Variants in CERS3 observed in about 807,000 individuals in gnomAD.
CERS3 encodes the protein LAG1 homolog, ceramide synthase 3.
CERS3 carries 33 observed loss-of-function variants against 50.3 expected under a neutral mutation model. That is an observed-to-expected ratio of 0.66 (90% CI 0.50 to 0.88). CERS3 has a LOEUF of 0.88. Ranked by LOEUF, CERS3 falls within the 40% of genes least tolerant of loss-of-function variation. CERS3 has a pLI of 0.00. For synonymous variants in CERS3, 176 were observed against 155.2 expected (o/e 1.13, Z -0.99); for missense variants, 470 against 460.3 (o/e 1.02, Z -0.19).
intron 11 of CERS3, chr15:100,408,826 G>GGTAA (rs2031256051): frequency 2.0e-5 from 3 of 152,284 alleles, no homozygotes; most frequent in Admixed American, 2.0e-4. Flanking sequence ...CATGTGGCAG[G>GGTAA]CTCGGGACTA....
At position 100,506,966 on chromosome 15, in the gene CERS3, A is replaced by G. The variant is rs576446571; in HGVS notation, c.-1-5116T>C. 1.8e-3 allele frequency among the ~76,000 whole-genome samples: 268 copies of G among 152,302 alleles called. 1 individual carries two copies. The highest frequency in any genetic ancestry group is 6.2e-3 in the African/African-American group (257 of 41,552). ...AAATTATACCTCCAAAAAAATAAAA[A>G]AGTTAAGAAGCCTCCTTCTCAGCTT... On this transcript the variant is annotated intron_variant, in intron 2 of 11. Coordinates refer to ENST00000679737, the MANE Select transcript of CERS3 (RefSeq NM_001378789.1).
chr15:100,437,795 A>G (rs34913571), intron 11 of CERS3: 8,036 of 152,304 alleles, frequency 0.053, 294 homozygotes, highest in Middle Eastern at 0.088. Context: ...AACCGAGGCA[A>G]TGAACAAAGT....
intron 2 of CERS3, among the ~76,000 whole-genome samples, chr15:100,514,911 C>A (rs2036449540): frequency 6.6e-6 from 1 of 152,150 alleles, no homozygotes; most frequent in African/African-American, 2.4e-5. Context: ...TCACTCTTTT[C>A]TTATTTGATT....
intron 7 of CERS3, among the ~76,000 whole-genome samples, chr15:100,476,862 T>C (rs1400346088): frequency 6.6e-6 from 1 of 152,194 alleles, no homozygotes; most frequent in Non-Finnish European, 1.5e-5. Context: ...ATGGACTTGA[T>C]CCTGGTCTTT....
intron 5 of CERS3, among the ~76,000 whole-genome samples, chr15:100,482,802 C>G (rs534209340): frequency 6.6e-6 from 1 of 152,054 alleles, no homozygotes; most frequent in African/African-American, 2.4e-5. Flanking sequence ...AAGAAATAAG[C>G]GCCCGGAGAT....
rs1555528082 is a variant in CERS3 at position 100,466,840 on chromosome 15, C to CCTCTCTCTCT, written c.845+2537_845+2538insAGAGAGAGAG. On this transcript the variant is annotated intron_variant, in intron 10 of 11. Coordinates refer to ENST00000679737, the MANE Select transcript of CERS3 (RefSeq NM_001378789.1). ...CCCTCTCTCCCTCTCTCCCTCTCTC[C>CCTCTCTCTCT]CTCTCTCTTTCTCTCTTTCTTTCTT... 1.4e-4 allele frequency among the ~76,000 whole-genome samples: 4 copies of CCTCTCTCTCT among 28,312 alleles called. 2 individuals carry two copies. Among genetic ancestry groups the CCTCTCTCTCT allele is most frequent in the East Asian group, 2.6e-3 (2 of 782 alleles). 18.6% of individuals were successfully genotyped at this position (28,312 alleles called of 152,430 possible).
chr15:100,436,573 G>A (rs2033416725), intron 11 of CERS3, among the ~76,000 whole-genome samples: 1 of 152,000 alleles, frequency 6.6e-6, no homozygotes, highest in Non-Finnish European at 1.5e-5. Context: ...AACTACCATG[G>A]CACATGTATA....
chr15:100,477,198 C>T (rs1309295759), intron 7 of CERS3, among the ~76,000 whole-genome samples: 11 of 152,158 alleles, frequency 7.2e-5, no homozygotes, highest in Admixed American at 2.0e-4. Context: ...TATGTACCAA[C>T]GGATAACTGA....
chr15:100,451,865 A>T (rs1235437274), intron 11 of CERS3, among the ~76,000 whole-genome samples: 1 of 152,184 alleles, frequency 6.6e-6, no homozygotes, highest in African/African-American at 2.4e-5. Context: ...ACTTTAATTC[A>T]AAAAACAGTA....
rs575613817 is a variant in CERS3, at chr15:100,408,115, A to C, written c.1000-5250T>G. Among the ~76,000 whole-genome samples the C allele has an allele frequency of 2.0e-3, 307 of 152,132 alleles. 1 individual carries two copies. Among genetic ancestry groups the C allele is most frequent in the African/African-American group, 6.8e-3 (281 of 41,490 alleles). On this transcript the variant is annotated intron_variant, in intron 11 of 11. Transcript: ENST00000679737. ...TTGAACTCCTGACCTCAAGTGATCC[A>C]CCCACCCTGGCCTCCCAAAGTGCTG...
chr15:100,479,550 A>C (rs576794711), intron 6 of CERS3, 72 bp from the exon 7 acceptor site: 2 of 1,105,660 alleles, frequency 1.8e-6, no homozygotes, highest in Non-Finnish European at 2.7e-6. Context: ...CAATTTTGGC[A>C]GAAAACCTAA....
upstream of CERS3, among the ~76,000 whole-genome samples, chr15:100,531,399 T>G (rs987160916): frequency 1.3e-4 from 20 of 152,104 alleles, no homozygotes; most frequent in Admixed American, 6.5e-5. Flanking sequence ...GGTTTGCTGG[T>G]GAAGACTTTG....
intron 11 of CERS3, among the ~76,000 whole-genome samples, chr15:100,417,250 C>A (rs1361099946): frequency 1.3e-5 from 2 of 151,722 alleles, no homozygotes; most frequent in African/African-American, 2.4e-5. Flanking sequence ...CGAAGCAGGG[C>A]GAGGCATTGC....
intron 11 of CERS3, among the ~76,000 whole-genome samples, chr15:100,404,448 C>A (rs76765749): frequency 6.6e-6 from 1 of 152,242 alleles, no homozygotes; most frequent in African/African-American, 2.4e-5. Context: ...AGAGAGAAAT[C>A]TGAAATTCTT....
At chr15:100,520,500 C>T (rs1054584523) in intron 2 of CERS3, among the ~76,000 whole-genome samples, 5 of 152,208 alleles carry the variant, frequency 3.3e-5, no homozygotes, top group Non-Finnish European at 7.3e-5. Context: ...CCCCGCTGAA[C>T]TGCTCCTTCT....
intron 7 of CERS3, among the ~76,000 whole-genome samples, chr15:100,477,328 C>T (rs1300260870): frequency 2.6e-5 from 4 of 152,122 alleles, no homozygotes; most frequent in Non-Finnish European, 5.9e-5. Flanking sequence ...CTGAGGCTAA[C>T]GTATAACGAA....
At chr15:100,413,916 C>G (rs1265249756) in intron 11 of CERS3, among the ~76,000 whole-genome samples, 1 of 152,012 alleles carries the variant, frequency 6.6e-6, no homozygotes, top group East Asian at 1.9e-4. Flanking sequence ...AATAGACCAA[C>G]AGCAAATTCT....
intron 1 of CERS3, among the ~76,000 whole-genome samples, chr15:100,537,448 A>G (rs2037101574): frequency 6.6e-6 from 1 of 152,212 alleles, no homozygotes; most frequent in South Asian, 2.1e-4. Context: ...TAATTTATAA[A>G]GCAAAGAGGT....
intron 11 of CERS3, among the ~76,000 whole-genome samples, chr15:100,445,465 G>A (rs574838532): frequency 5.9e-5 from 9 of 152,246 alleles, no homozygotes; most frequent in African/African-American, 2.2e-4. Context: ...AGATGTCCTA[G>A]GTCCTCCCAA....
Sources: gnomAD v4.1 joint callset for allele counts (sites outside exome capture counted in the v4.1 genomes callset) on GRCh38, gnomAD v4.1.1 for gene constraint, MANE v1.5 for transcripts, NCBI Gene and HGNC (gene_info 2026-07-23, HGNC 2026-07-21) for gene names.